The following EML6 variants were observed in gnomAD, a reference collection of about 807,000 sequenced individuals.
EML6 encodes the protein EMAP like 6.
A neutral mutation model predicts 240.1 loss-of-function variants in EML6; 154 were observed. The ratio of observed to expected loss-of-function variants is 0.64; its 90% CI spans 0.56 to 0.73. The LOEUF is 0.73. EML6 is among the 30% of genes least tolerant of loss of function. EML6 has a pLI of 0.00. For missense variants in EML6, 2,964 were observed against 2,474.6 expected, an observed-to-expected ratio of 1.20 and a Z score of -4.20; for synonymous variants, 1,148 against 899.0, an observed-to-expected ratio of 1.28 and a Z score of -4.95.
chr2:54,761,840 A>T (rs1235702510), intron 2 of EML6, among the ~76,000 whole-genome samples: 1 of 151,762 alleles, frequency 6.6e-6, no homozygotes, highest in African/African-American at 2.4e-5. Flanking sequence ...CTCTTTATAG[A>T]TACGCATTAG....
chr2:54,885,896 C>G (rs1340328419), intron 17 of EML6, among the ~76,000 whole-genome samples: 1 of 152,166 alleles, frequency 6.6e-6, no homozygotes, highest in Admixed American at 6.5e-5. Context: ...CAGGCGTGAG[C>G]CACCACGTCC....
intron 14 of EML6, chr2:54,868,190 G>A (rs932351012): frequency 6.6e-6 from 1 of 151,778 alleles, no homozygotes; most frequent in African/African-American, 2.4e-5. Context: ...TTTCTAATAT[G>A]GCAACAAATT....
chr2:54,941,917 G>C (rs1675450094), intron 28 of EML6, among the ~76,000 whole-genome samples: 1 of 152,244 alleles, frequency 6.6e-6, no homozygotes, highest in Non-Finnish European at 1.5e-5. Context: ...TATGAAGTTG[G>C]AAGGGACTGA....
At position 54,844,211 on chromosome 2, in the gene EML6, C is replaced by G. The variant is rs1292438147; in HGVS notation, c.1012C>G (p.Pro338Ala). ...LWALALHPKKPLAVTGSDDRS... is the reference protein window; with the variant it reads ...LWALALHPKKALAVTGSDDRS... ...GGCTCTGGCCCTGCACCCCAAGAAG[C>G]CTCTGGCTGTGACAGGCAGCGATGA... is the stretch of plus-strand genomic sequence containing the variant. The change falls in exon 8 of 42, where the codon CCT becomes GCT. Residue 338 changes from proline (P) to alanine (A), a missense_variant. Coordinates refer to ENST00000356458, the MANE Select transcript of EML6 (RefSeq NM_001039753.4). The G allele has an allele frequency of 6.4e-7, 1 of 1,551,684 alleles. No individual in the cohort carries two copies. The highest frequency in any genetic ancestry group is 2.0e-5 in the Admixed American group (1 of 51,004).
At position 54,970,195 on chromosome 2, in the gene EML6, C is replaced by A; in HGVS notation, c.*100C>A. 1.7e-6 allele frequency: 2 copies of A among 1,159,808 alleles called. No homozygotes were observed. Among genetic ancestry groups the A allele is most frequent in the Admixed American group, 2.0e-5 (1 of 50,480 alleles). The allele number at this position is 1,159,808 out of a possible 1,614,324, so 71.8% of individuals were successfully genotyped here. On this transcript the variant is annotated 3_prime_UTR_variant, in exon 42 of 42. Coordinates refer to ENST00000356458, the MANE Select transcript of EML6 (RefSeq NM_001039753.4). Reference sequence around the variant, plus strand: ...CCTTGCCACCAGCCGTTGGGAAATGCCTACCATGCTGCCCCGGATGCACAA... The same window carrying A: ...CCTTGCCACCAGCCGTTGGGAAATGACTACCATGCTGCCCCGGATGCACAA...
chr2:54,903,335 A>T (rs1291412694), intron 23 of EML6, 36 bp from the exon 24 acceptor site: 1 of 1,544,220 alleles, frequency 6.5e-7, no homozygotes, highest in Non-Finnish European at 8.7e-7. Flanking sequence ...TCCTATATAA[A>T]ATGCTTCGAT....
chr2:54,933,563 G>A (rs558530540), intron 28 of EML6, among the ~76,000 whole-genome samples: 1 of 151,998 alleles, frequency 6.6e-6, no homozygotes, highest in South Asian at 2.1e-4. Context: ...GTGAAACCCT[G>A]TCTCTCCTAA....
chr2:54,743,756 A>T (rs1683771370), intron 2 of EML6, among the ~76,000 whole-genome samples: 1 of 152,170 alleles, frequency 6.6e-6, no homozygotes. Context: ...TTATATATTT[A>T]TGTTATATAC....
rs35968988 is a variant in EML6, at chr2:54,740,710, CT to C, written c.197+15463del. 4.2e-3 allele frequency among the ~76,000 whole-genome samples: 627 copies of C among 147,930 alleles called. 4 individuals carry two copies. Among genetic ancestry groups the C allele is most frequent in the Non-Finnish European group, 5.8e-3 (387 of 66,850 alleles). ...CTTCTATCTCTAGCAGACTCTAGCT[CT>C]TTTTTTTTTTCTTGGGACAATAAGA... On this transcript the variant is annotated intron_variant, in intron 2 of 41. Coordinates refer to ENST00000356458, the MANE Select transcript of EML6 (RefSeq NM_001039753.4).
At chr2:54,855,368 A>G (rs762111787) in intron 11 of EML6, among the ~76,000 whole-genome samples, 1 of 152,094 alleles carries the variant, frequency 6.6e-6, no homozygotes, top group South Asian at 2.1e-4. Flanking sequence ...GATCTCATGA[A>G]AATTTGTTCA....
At chr2:54,923,367 G>GCACACACA (rs113101367) in intron 26 of EML6, among the ~76,000 whole-genome samples, 5,845 of 144,282 alleles carry the variant, frequency 0.041, 150 homozygotes, top group Middle Eastern at 0.091. Context: ...CTCACCAAAC[G>GCACACACA]CACACACACA....
chr2:54,913,105 G>T (rs1007612434), intron 25 of EML6, among the ~76,000 whole-genome samples: 2 of 135,992 alleles, frequency 1.5e-5, no homozygotes. Flanking sequence ...TTTAATAATA[G>T]CCATTCTGAA....
At chr2:54,843,198 T>C (rs150229860) in intron 7 of EML6, among the ~76,000 whole-genome samples, 71 of 152,324 alleles carry the variant, frequency 4.7e-4, no homozygotes, top group Non-Finnish European at 8.2e-4. Flanking sequence ...CTTGATGATA[T>C]AGTATTTAAA....
chr2:54,818,690 G>T (rs145448877), intron 4 of EML6, among the ~76,000 whole-genome samples: 1 of 152,202 alleles, frequency 6.6e-6, no homozygotes, highest in Non-Finnish European at 1.5e-5. Context: ...CTGTGCATGT[G>T]CTATTGCTGT....
intron 7 of EML6, among the ~76,000 whole-genome samples, chr2:54,838,922 T>C (rs1326188911): frequency 2.0e-5 from 3 of 152,358 alleles, no homozygotes; most frequent in South Asian, 4.1e-4. Flanking sequence ...TTTTAAATAA[T>C]GAGGATGGTT....
intron 2 of EML6, among the ~76,000 whole-genome samples, chr2:54,786,974 G>T (rs1185967630): frequency 2.6e-5 from 4 of 152,168 alleles, no homozygotes; most frequent in Non-Finnish European, 5.9e-5. Flanking sequence ...GTTGAAATCT[G>T]CCTCTGATTA....
chr2:54,841,565 C>G (rs186804197), intron 7 of EML6, among the ~76,000 whole-genome samples: 1 of 145,528 alleles, frequency 6.9e-6, no homozygotes, highest in African/African-American at 2.5e-5. Context: ...AGCATCCCAG[C>G]TGGTTTAGTA....
At chr2:54,923,770 C>T (rs1226825266) in intron 26 of EML6, among the ~76,000 whole-genome samples, 1 of 152,092 alleles carries the variant, frequency 6.6e-6, no homozygotes, top group Non-Finnish European at 1.5e-5. Context: ...CAGGCTGCTT[C>T]CTCATACTCC....
intron 24 of EML6, among the ~76,000 whole-genome samples, chr2:54,909,227 C>G (rs1182221770): frequency 1.3e-5 from 2 of 152,186 alleles, no homozygotes; most frequent in Admixed American, 6.5e-5. Flanking sequence ...TGCAATCACT[C>G]TTGAGTGTCC....
Sources: gnomAD v4.1 joint callset for allele counts (sites outside exome capture counted in the v4.1 genomes callset) on GRCh38, gnomAD v4.1.1 for gene constraint, MANE v1.5 for transcripts, NCBI Gene and HGNC (gene_info 2026-07-23, HGNC 2026-07-21) for gene names.